AAGAB: variants seen among roughly 807,000 people sequenced by gnomAD.
The protein encoded by AAGAB is alpha- and gamma-adaptin-binding protein p34.
Under a neutral mutation model 44.1 loss-of-function variants are expected in AAGAB, and 38 were observed. The ratio of observed to expected loss-of-function variants is 0.86; its 90% CI spans 0.67 to 1.13. AAGAB has a LOEUF of 1.13. AAGAB is among the 50% of genes most tolerant of loss of function. AAGAB has a pLI of 0.00. For missense variants in AAGAB, 450 were observed against 373.8 expected, an observed-to-expected ratio of 1.20 and a Z score of -1.68; for synonymous variants, 131 against 131.8, an observed-to-expected ratio of 0.99 and a Z score of 0.04.
At position 67,210,708 on chromosome 15, in the gene AAGAB, A is replaced by C. The variant is rs74397918; in HGVS notation, c.536-1164T>G. Among the ~76,000 whole-genome samples, 1,064 of 152,298 alleles carry C rather than the reference A, an allele frequency of 7.0e-3. 16 individuals carry two copies. The highest frequency in any genetic ancestry group is 0.024 in the African/African-American group (1,013 of 41,548). The stretch of plus-strand genomic sequence containing the variant: ...CAGAATGACCTGGAACACTTTATTA[A>C]AACTATCCTAGTATTCAAGGACGCT... On this transcript the variant is annotated intron_variant, in intron 5 of 9. Transcript: ENST00000261880.
rs779266914 is a variant in AAGAB, at chr15:67,236,066, T to C, written c.364A>G (p.Ile122Val). The C allele has an allele frequency of 2.6e-5, 41 of 1,602,910 alleles. No homozygotes were observed. In the Admixed American group the frequency reaches 6.6e-4, roughly 26 times the overall value. Reference protein sequence around the residue: ...LVCDRVSEDGINRQKAQEWCI... With the variant: ...LVCDRVSEDGVNRQKAQEWCI... ...CATTCTTGAGCTTTTTGTCGGTTTATACCTAAAATAATATGCAAAAGAATC... is the reference window on the plus strand; with the variant it reads ...CATTCTTGAGCTTTTTGTCGGTTTACACCTAAAATAATATGCAAAAGAATC... The change falls in exon 4 of 10, where the codon ATA becomes GTA. Residue 122 changes from isoleucine to valine, a missense_variant and splice_region_variant. Physicochemically the swap from Ile to Val is conservative, Grantham distance 29. Coordinates refer to ENST00000261880, the MANE Select transcript of AAGAB (RefSeq NM_024666.5).
intron 5 of AAGAB, among the ~76,000 whole-genome samples, chr15:67,222,223 C>T (rs960759804): frequency 8.0e-6 from 1 of 124,608 alleles, no homozygotes; most frequent in African/African-American, 3.3e-5. Context: ...TACATGCATG[C>T]ACGCGCACGC....
chr15:67,231,865 T>C lies in AAGAB; in HGVS notation c.484A>G (p.Ile162Val), dbSNP rs757934884. ...ACATTGGCATTCAGGGCTTGGACAA[T>C]TCGCTTTACTCCTGTAGATTCTGGG... ...DFPESTGVKR[I>V]VQALNANVWS... The change falls in exon 5 of 10, where the codon ATT (isoleucine) becomes GTT (valine). Residue 162 changes from isoleucine to valine, a missense_variant. Ile to Val is a conservative substitution (Grantham distance 29, BLOSUM62 3). Coordinates refer to ENST00000261880, the MANE Select transcript of AAGAB (RefSeq NM_024666.5). 6.2e-7 allele frequency: 1 copy of C among 1,612,262 alleles called. No individual in the cohort carries two copies. Among genetic ancestry groups the C allele is most frequent in the East Asian group, 2.2e-5 (1 of 44,838 alleles).
intron 5 of AAGAB, among the ~76,000 whole-genome samples, chr15:67,223,640 C>T (rs1045302190): frequency 2.6e-5 from 4 of 152,138 alleles, no homozygotes; most frequent in Admixed American, 2.6e-4. Context: ...GCTCTTCACC[C>T]TCATCATCTA....
At chr15:67,226,521 T>G (rs1339048648) in intron 5 of AAGAB, among the ~76,000 whole-genome samples, 2 of 152,238 alleles carry the variant, frequency 1.3e-5, no homozygotes, top group African/African-American at 4.8e-5. Context: ...GTCTTTTTAT[T>G]ATTAAGTTGT....
At chr15:67,243,792 A>C (rs1421327419) in intron 1 of AAGAB, among the ~76,000 whole-genome samples, 3 of 152,224 alleles carry the variant, frequency 2.0e-5, no homozygotes, top group Non-Finnish European at 4.4e-5. Flanking sequence ...CAGGCATCAC[A>C]ACCTCCTACC....
In AAGAB at chr15:67,218,069, C is replaced by CTATAA. The variant is rs1963990724; in HGVS notation, c.536-8530_536-8526dup. On this transcript the variant is annotated intron_variant, in intron 5 of 9. Coordinates refer to ENST00000261880, the MANE Select transcript of AAGAB (RefSeq NM_024666.5). ...TCCATCTGCATTACTGGGGATTGAACTATAATAGATAGATTGAAAATAAAC... is the reference window on the plus strand; with the variant it reads ...TCCATCTGCATTACTGGGGATTGAACTATAATATAATAGATAGATTGAAAATAAAC... Among the ~76,000 whole-genome samples, 3 of 152,312 alleles carry CTATAA rather than the reference C, an allele frequency of 2.0e-5. No homozygotes were observed. The South Asian group carries it at 6.2e-4, about 32-fold the overall frequency.
At chr15:67,255,009 C>G, upstream of AAGAB, 2 of 1,520,806 alleles carry the variant, frequency 1.3e-6, no homozygotes, top group Non-Finnish European at 1.8e-6. Context: ...AGCGAGGTCC[C>G]GCGCGCCGAT....
chr15:67,229,984 T>C lies in AAGAB; in HGVS notation c.535+1830A>G, dbSNP rs148323196. 6.4e-4 allele frequency among the ~76,000 whole-genome samples: 97 copies of C among 151,928 alleles called. 1 individual carries two copies. Among genetic ancestry groups the C allele is most frequent in the Admixed American group, 4.3e-3 (66 of 15,256 alleles). On this transcript the variant is annotated intron_variant, in intron 5 of 9. Coordinates refer to ENST00000261880, the MANE Select transcript of AAGAB (RefSeq NM_024666.5). ...GCCTCAGCCTCCTGAGTAGCTGGGATTACAGGCACGTGCCATCACACCCAG... is the reference window on the plus strand; with the variant it reads ...GCCTCAGCCTCCTGAGTAGCTGGGACTACAGGCACGTGCCATCACACCCAG...
At chr15:67,244,711 C>A (rs1057033607) in intron 1 of AAGAB, among the ~76,000 whole-genome samples, 5 of 151,546 alleles carry the variant, frequency 3.3e-5, no homozygotes, top group Admixed American at 1.3e-4. Flanking sequence ...GGCTGAGGCA[C>A]AAGAATTGCT....
chr15:67,208,004 G>A (rs760505673), intron 7 of AAGAB, among the ~76,000 whole-genome samples: 47 of 152,136 alleles, frequency 3.1e-4, no homozygotes, highest in Non-Finnish European at 5.6e-4. Flanking sequence ...GTTCCCCAGC[G>A]AAAGAAGATT....
chr15:67,209,619 C>T, intron 5 of AAGAB, 75 bp from the exon 6 acceptor site: 2 of 1,163,570 alleles, frequency 1.7e-6, no homozygotes, highest in Admixed American at 1.8e-5. Context: ...GATGATGAAA[C>T]AAAGGCTACT....
chr15:67,254,618 A>C lies in AAGAB; in HGVS notation c.14T>G (p.Val5Gly), dbSNP rs1391193395. MAAG[V>G]PCALVTSCSS... ...GCAGCTGGTGACTAACGCACAGGGT[A>C]CGCCAGCAGCCATAGCTGCGCTCGC... The change falls in exon 1 of 10, where the codon GTA becomes GGA. Residue 5 changes from valine to glycine, a missense_variant. Physicochemically the swap from Val to Gly is moderately radical, Grantham distance 109. Coordinates refer to ENST00000261880, the MANE Select transcript of AAGAB (RefSeq NM_024666.5). 2 of 1,604,492 alleles carry C rather than the reference A, an allele frequency of 1.2e-6. No individual in the cohort carries two copies. The highest frequency in any genetic ancestry group is 1.7e-6 in the Non-Finnish European group (2 of 1,177,622).
chr15:67,236,142 C>T, intron 3 of AAGAB, 74 bp from the exon 4 acceptor site: 1 of 1,192,670 alleles, frequency 8.4e-7, no homozygotes, highest in Non-Finnish European at 1.2e-6. Context: ...ATATTCTTCA[C>T]AAATCTCAAT....
intron 5 of AAGAB, among the ~76,000 whole-genome samples, chr15:67,224,018 C>T (rs1225160636): frequency 6.6e-6 from 1 of 152,188 alleles, no homozygotes; most frequent in Non-Finnish European, 1.5e-5. Flanking sequence ...ATCTACAAAG[C>T]AATCTCAATG....
intron 1 of AAGAB, among the ~76,000 whole-genome samples, chr15:67,239,598 G>C (rs1224487134): frequency 1.3e-5 from 2 of 152,138 alleles, no homozygotes; most frequent in Non-Finnish European, 1.5e-5. Context: ...TTACTTATCA[G>C]ATTTTTTTTT....
rs2140380558 is a variant in AAGAB at position 67,236,634 on chromosome 15, G to A, written c.260C>T (p.Thr87Ile). Residue 87 changes from threonine (T) to isoleucine (I), a missense_variant, in exon 2 of 10, where the codon ACA becomes ATA. Coordinates refer to ENST00000261880, the MANE Select transcript of AAGAB (RefSeq NM_024666.5). The stretch of plus-strand genomic sequence containing the variant: ...TCATAGAAAACAAAGTCTTACTTGT[G>A]TGCTGTCAAAGTAAACCACAAATGC... ...VQAFVVYFDS[T>I]QKSGLDSVSS... 6.2e-7 allele frequency: 1 copy of A among 1,612,816 alleles called. No individual in the cohort carries two copies. The highest frequency in any genetic ancestry group is 8.5e-7 in the Non-Finnish European group (1 of 1,179,540).
chr15:67,231,923 A>G (rs1221485426), intron 4 of AAGAB, 26 bp from the exon 5 acceptor site: 1 of 1,553,590 alleles, frequency 6.4e-7, no homozygotes, highest in Admixed American at 1.7e-5. Context: ...AAATATATAT[A>G]TTTATATGCA....
At chr15:67,206,866 T>C (rs1023738181) in intron 7 of AAGAB, among the ~76,000 whole-genome samples, 2 of 152,132 alleles carry the variant, frequency 1.3e-5, no homozygotes, top group Non-Finnish European at 2.9e-5. Flanking sequence ...CCTAGTTCCT[T>C]TTATTGGAGA....
Sources: allele counts gnomAD v4.1 joint callset (sites outside exome capture counted in the v4.1 genomes callset), GRCh38; gene constraint gnomAD v4.1.1; transcripts MANE v1.5; gene names NCBI Gene and HGNC (gene_info 2026-07-23, HGNC 2026-07-21).